The following SPOCK3 variants were observed in gnomAD, a reference collection of about 807,000 sequenced individuals.
SPOCK3 encodes the protein testican-3.
SPOCK3 carries 30 observed loss-of-function variants against 56.6 expected under a neutral mutation model. That is an observed-to-expected ratio of 0.53 (90% CI 0.40 to 0.72). The LOEUF is 0.72. Ranked by LOEUF, SPOCK3 falls within the 30% of genes least tolerant of loss-of-function variation. SPOCK3 has a pLI of 0.00. For synonymous variants in SPOCK3, 196 were observed against 183.3 expected (o/e 1.07, Z -0.56); for missense variants, 527 against 530.0 (o/e 0.99, Z 0.06).
intron 8 of SPOCK3, among the ~76,000 whole-genome samples, chr4:166,746,733 A>C (rs1205125164): frequency 5.9e-5 from 9 of 152,092 alleles, no homozygotes; most frequent in African/African-American, 7.2e-5. Context: ...TGATAGACTG[A>C]TAGCAAGATT....
chr4:167,037,899 G>T (rs909893611), intron 3 of SPOCK3, among the ~76,000 whole-genome samples: 1 of 152,148 alleles, frequency 6.6e-6, no homozygotes, highest in Non-Finnish European at 1.5e-5. Context: ...ACTTTTTGTT[G>T]TTGTTGTTGT....
rs1394699864 is a variant in SPOCK3, at chr4:166,842,002, G to A, written c.589+47128C>T. On this transcript the variant is annotated intron_variant, in intron 6 of 10. Transcript: ENST00000357545. ...TGGGTCTGTGGTCTCGCTGGCTTCAGGAGTGAAGCTGCAGACCTTCTCAGT... is the reference window on the plus strand; with the variant it reads ...TGGGTCTGTGGTCTCGCTGGCTTCAAGAGTGAAGCTGCAGACCTTCTCAGT... 2.0e-5 allele frequency among the ~76,000 whole-genome samples: 3 copies of A among 152,198 alleles called. No homozygotes were observed. The South Asian group carries it at 6.2e-4, about 32-fold the overall frequency.
intron 6 of SPOCK3, among the ~76,000 whole-genome samples, chr4:166,886,788 C>T (rs765867709): frequency 3.9e-5 from 6 of 152,180 alleles, no homozygotes; most frequent in Non-Finnish European, 8.8e-5. Flanking sequence ...ACTGCACAGT[C>T]TACCTAAGGC....
At chr4:167,231,080 GCT>G (rs1246208081) in intron 2 of SPOCK3, among the ~76,000 whole-genome samples, 1 of 151,920 alleles carries the variant, frequency 6.6e-6, no homozygotes, top group Non-Finnish European at 1.5e-5. Flanking sequence ...CTCTATCCAT[GCT>G]CTTTGTTCCT....
intron 4 of SPOCK3, among the ~76,000 whole-genome samples, chr4:166,929,664 G>T (rs1399084005): frequency 6.6e-6 from 1 of 152,112 alleles, no homozygotes; most frequent in African/African-American, 2.4e-5. Flanking sequence ...CAGTTCTTGA[G>T]TGCTTTTGGG....
chr4:166,846,506 C>T (rs778552650), intron 6 of SPOCK3, among the ~76,000 whole-genome samples: 3 of 151,828 alleles, frequency 2.0e-5, no homozygotes, highest in Non-Finnish European at 4.4e-5. Context: ...GTGATTCATC[C>T]TAAGTGACAA....
In SPOCK3 at chr4:167,058,639, G is replaced by A. The variant is rs537331012; in HGVS notation, c.235+3853C>T. Among the ~76,000 whole-genome samples, 7 of 152,048 alleles carry A rather than the reference G, an allele frequency of 4.6e-5. No homozygotes were observed. The South Asian group carries it at 8.3e-4, about 18-fold the overall frequency. ...TACCAATGACTTTCTTCACAGAATT[G>A]GAAAAAACTACTTTAAAGTTCATAT... On this transcript the variant is annotated intron_variant, in intron 3 of 10. Coordinates refer to ENST00000357545, the MANE Select transcript of SPOCK3 (RefSeq NM_001040159.2).
chr4:166,750,451 TTCTTA>T (rs1223758388), intron 8 of SPOCK3, among the ~76,000 whole-genome samples: 1 of 152,142 alleles, frequency 6.6e-6, no homozygotes, highest in Non-Finnish European at 1.5e-5. Context: ...TTATGCTAAA[TTCTTA>T]TCTTATGTGC....
chr4:167,205,587 A>T (rs1275698748), intron 2 of SPOCK3, among the ~76,000 whole-genome samples: 1 of 91,048 alleles, frequency 1.1e-5, no homozygotes, highest in African/African-American at 4.4e-5. Flanking sequence ...TATAATATAA[A>T]ATATATTTTC....
At chr4:166,740,788 A>G (rs7679349) in intron 9 of SPOCK3, among the ~76,000 whole-genome samples, 119,764 of 151,922 alleles carry the variant, frequency 0.79, 47,456 homozygotes, top group South Asian at 0.82. Context: ...GGCCTCCTAA[A>G]GTGTTGGGAT....
At chr4:166,738,795 G>A (rs1320310274) in intron 9 of SPOCK3, among the ~76,000 whole-genome samples, 4 of 151,734 alleles carry the variant, frequency 2.6e-5, no homozygotes, top group Non-Finnish European at 5.9e-5. Context: ...TAAAGGACAT[G>A]AACTCATCAT....
chr4:166,870,576 T>C (rs1347921735), intron 6 of SPOCK3, among the ~76,000 whole-genome samples: 1 of 152,136 alleles, frequency 6.6e-6, no homozygotes, highest in Non-Finnish European at 1.5e-5. Context: ...CTAAATATTT[T>C]ATAATTAAAC....
At chr4:166,901,369 T>C (rs761679550) in intron 5 of SPOCK3, among the ~76,000 whole-genome samples, 19 of 152,126 alleles carry the variant, frequency 1.2e-4, no homozygotes, top group African/African-American at 3.9e-4. Context: ...CCCTGAACGA[T>C]ATAGGTCCCA....
At chr4:166,906,400 G>C (rs1736614035) in intron 5 of SPOCK3, among the ~76,000 whole-genome samples, 1 of 150,816 alleles carries the variant, frequency 6.6e-6, no homozygotes, top group Non-Finnish European at 1.5e-5. Flanking sequence ...GAACTCCGAA[G>C]CTCAAGGAAT....
intron 2 of SPOCK3, among the ~76,000 whole-genome samples, chr4:167,167,739 A>G (rs1180081534): frequency 6.6e-6 from 1 of 152,132 alleles, no homozygotes; most frequent in Non-Finnish European, 1.5e-5. Context: ...TTATCAATAT[A>G]TACTTATAAT....
chr4:167,108,312 C>A (rs1342957077), intron 2 of SPOCK3, among the ~76,000 whole-genome samples: 1 of 151,748 alleles, frequency 6.6e-6, no homozygotes, highest in African/African-American at 2.4e-5. Flanking sequence ...AGGTACATAC[C>A]CAAAAGAAAG....
At chr4:167,059,972 A>C (rs1312190646) in intron 3 of SPOCK3, among the ~76,000 whole-genome samples, 1 of 150,992 alleles carries the variant, frequency 6.6e-6, no homozygotes, top group Non-Finnish European at 1.5e-5. Context: ...TGGACACAGG[A>C]AGGGGAACAT....
intron 4 of SPOCK3, among the ~76,000 whole-genome samples, chr4:166,997,057 G>A (rs1374007242): frequency 6.6e-6 from 1 of 151,904 alleles, no homozygotes; most frequent in African/African-American, 2.4e-5. Context: ...AACTAACACA[G>A]GAACAGAAAA....
At chr4:167,090,597 A>G (rs925052419) in intron 2 of SPOCK3, among the ~76,000 whole-genome samples, 36 of 151,784 alleles carry the variant, frequency 2.4e-4, no homozygotes, top group African/African-American at 8.7e-4. Context: ...TCCGCCTCCC[A>G]GGTTCAAGTG....
Sources: allele counts gnomAD v4.1 joint callset (sites outside exome capture counted in the v4.1 genomes callset), GRCh38; gene constraint gnomAD v4.1.1; transcripts MANE v1.5; gene names NCBI Gene and HGNC (gene_info 2026-07-23, HGNC 2026-07-21).